TAB2: variants seen among roughly 807,000 people sequenced by gnomAD.
The protein encoded by TAB2 is TGF-beta-activated kinase 1 and MAP3K7-binding protein 2.
TAB2 carries 3 observed loss-of-function variants against 65.0 expected under a neutral mutation model. The observed-to-expected ratio is 0.05, with a 90% CI of 0.02 to 0.12. TAB2 has a LOEUF of 0.12. TAB2 is among the 10% of genes least tolerant of loss of function. The probability of loss-of-function intolerance (pLI) is 1.00; values close to 1 mark genes in which losing one functional copy is unlikely to be tolerated. For synonymous variants in TAB2, 298 were observed against 285.1 expected (o/e 1.05, Z -0.46); for missense variants, 623 against 840.3 (o/e 0.74, Z 3.20).
At position 149,329,248 on chromosome 6, in the gene TAB2, G is replaced by T. The variant is rs376051379; in HGVS notation, c.-90+11233G>T. On this transcript the variant is annotated intron_variant, in intron 1 of 6. Transcript: ENST00000637181. The stretch of plus-strand genomic sequence containing the variant: ...AGCCAGACTTGGGAGGAAGAGGCAG[G>T]CATATAAGTATCTATTTGAGAGTTG... Among the ~76,000 whole-genome samples, 17 of 152,316 alleles carry T rather than the reference G, an allele frequency of 1.1e-4. No homozygotes were observed. In the East Asian group the frequency reaches 1.9e-3, roughly 17 times the overall value.
chr6:149,339,589 ATTTATTTATTTATTTATTTT>A (rs1780041247), intron 1 of TAB2, among the ~76,000 whole-genome samples: 1 of 31,442 alleles, frequency 3.2e-5, no homozygotes, highest in South Asian at 1.5e-3. Flanking sequence ...AATCTTTTTT[ATTTATTTATTTATTTATTTT>A]TTTTTTTTTT....
At chr6:149,312,560 G>T (rs568590188) in intron 1 of TAB2, among the ~76,000 whole-genome samples, 1 of 152,086 alleles carries the variant, frequency 6.6e-6, no homozygotes, top group Non-Finnish European at 1.5e-5. Flanking sequence ...ATGGCGTTTC[G>T]CCATGTTGGC....
At chr6:149,274,701 G>C (rs1039812223) in intron 1 of TAB2, among the ~76,000 whole-genome samples, 3 of 152,194 alleles carry the variant, frequency 2.0e-5, no homozygotes, top group Non-Finnish European at 4.4e-5. Context: ...AGGAAGATCA[G>C]AGTTCCAGAC....
At chr6:149,359,671 C>G (rs1042739497) in intron 1 of TAB2, among the ~76,000 whole-genome samples, 3 of 152,200 alleles carry the variant, frequency 2.0e-5, no homozygotes, top group Admixed American at 2.0e-4. Flanking sequence ...ATATCTCTCT[C>G]CTTCCAAACT....
chr6:149,371,237 A>T (rs1333965364), intron 2 of TAB2, among the ~76,000 whole-genome samples: 1 of 152,140 alleles, frequency 6.6e-6, no homozygotes, highest in East Asian at 1.9e-4. Flanking sequence ...TAATTGGTCT[A>T]CCTGCCTTTA....
chr6:149,241,854 G>A (rs1182303848), intron 1 of TAB2, among the ~76,000 whole-genome samples: 2 of 152,166 alleles, frequency 1.3e-5, no homozygotes, highest in Admixed American at 6.5e-5. Flanking sequence ...AAAGAATTGG[G>A]GAAGAAGTGA....
chr6:149,377,908 A>C, intron 2 of TAB2, 110 bp from the exon 3 acceptor site: 1 of 816,536 alleles, frequency 1.2e-6, no homozygotes, highest in Non-Finnish European at 2.0e-6. Context: ...ATCCAAATAT[A>C]TGTTATAATT....
At chr6:149,271,233 A>G (rs1778357491) in intron 1 of TAB2, among the ~76,000 whole-genome samples, 1 of 152,120 alleles carries the variant, frequency 6.6e-6, no homozygotes, top group South Asian at 2.1e-4. Flanking sequence ...TTTTTTAAAA[A>G]AGAATATTAT....
chr6:149,231,773 C>G (rs568847373), intron 1 of TAB2, among the ~76,000 whole-genome samples: 79 of 152,288 alleles, frequency 5.2e-4, no homozygotes, highest in African/African-American at 1.8e-3. Context: ...TAGACCGTAT[C>G]TCTGGTCCTC....
intron 1 of TAB2, among the ~76,000 whole-genome samples, chr6:149,358,200 G>A (rs761662598): frequency 6.6e-6 from 1 of 152,032 alleles, no homozygotes; most frequent in Non-Finnish European, 1.5e-5. Flanking sequence ...TCAGATTTGG[G>A]GATATTTGTG....
At chr6:149,357,786 A>G (rs1415445836) in intron 1 of TAB2, among the ~76,000 whole-genome samples, 1 of 151,176 alleles carries the variant, frequency 6.6e-6, no homozygotes, top group African/African-American at 2.4e-5. Context: ...TGCAACCTCC[A>G]TCTCCCAGGT....
At chr6:149,390,256 C>T (rs1273892923) in intron 3 of TAB2, among the ~76,000 whole-genome samples, 1 of 152,112 alleles carries the variant, frequency 6.6e-6, no homozygotes, top group Non-Finnish European at 1.5e-5. Flanking sequence ...ATGACTTAGG[C>T]TTGTTCCTGA....
intron 1 of TAB2, among the ~76,000 whole-genome samples, chr6:149,308,316 C>T (rs967117037): frequency 6.6e-6 from 1 of 152,174 alleles, no homozygotes; most frequent in African/African-American, 2.4e-5. Context: ...TATACTCCCA[C>T]TCCCAGGATA....
intron 1 of TAB2, among the ~76,000 whole-genome samples, chr6:149,332,205 A>C (rs1779805399): frequency 6.6e-6 from 1 of 152,186 alleles, no homozygotes; most frequent in Non-Finnish European, 1.5e-5. Flanking sequence ...TTTTAGACAT[A>C]TAACCAGTGA....
At chr6:149,308,117 G>A (rs922754434) in intron 1 of TAB2, among the ~76,000 whole-genome samples, 1 of 152,138 alleles carries the variant, frequency 6.6e-6, no homozygotes. Context: ...TCATTACTTA[G>A]TAAGATGTAT....
intron 1 of TAB2, among the ~76,000 whole-genome samples, chr6:149,364,101 G>A (rs1163537186): frequency 6.6e-6 from 1 of 152,082 alleles, no homozygotes; most frequent in Non-Finnish European, 1.5e-5. Context: ...GCTATCCACA[G>A]TACAGGCTAT....
upstream of TAB2, chr6:149,218,600 AAGAC>A: frequency 3.4e-6 from 1 of 298,252 alleles, no homozygotes; most frequent in South Asian, 2.9e-5. Flanking sequence ...TAGGGGTTGA[AAGAC>A]ACTCTTATAT....
chr6:149,251,512 C>A (rs1777860112), intron 1 of TAB2, among the ~76,000 whole-genome samples: 1 of 152,196 alleles, frequency 6.6e-6, no homozygotes, highest in African/African-American at 2.4e-5. Flanking sequence ...TGTTTTCCTT[C>A]TTGTTTCCTT....
intron 6 of TAB2, chr6:149,400,550 G>C: frequency 6.2e-7 from 1 of 1,614,236 alleles, no homozygotes. Context: ...CACGGGGATT[G>C]TCAGTGAAGC....
Sources: allele counts gnomAD v4.1 joint callset (sites outside exome capture counted in the v4.1 genomes callset), GRCh38; gene constraint gnomAD v4.1.1; transcripts MANE v1.5; gene names NCBI Gene and HGNC (gene_info 2026-07-23, HGNC 2026-07-21).